CEP112: variants seen among roughly 807,000 people sequenced by gnomAD.
The protein encoded by CEP112 is centrosomal protein of 112 kDa.
CEP112 carries 127 observed loss-of-function variants against 153.0 expected under a neutral mutation model. The ratio of observed to expected loss-of-function variants is 0.83; its 90% CI spans 0.72 to 0.96. The LOEUF is 0.96. CEP112 is among the 40% of genes least tolerant of loss of function. CEP112 has a pLI of 0.00. For missense variants in CEP112, 1,089 were observed against 1,101.2 expected (o/e 0.99, Z 0.16); for synonymous variants, 358 against 374.4 (o/e 0.96, Z 0.51).
intron 6 of CEP112, among the ~76,000 whole-genome samples, chr17:66,101,644 G>C (rs1158447230): frequency 6.6e-6 from 1 of 151,630 alleles, no homozygotes; most frequent in Non-Finnish European, 1.5e-5. Context: ...AAAAAAAACT[G>C]GTTTCTTTAA....
intron 17 of CEP112, among the ~76,000 whole-genome samples, chr17:65,996,413 C>T (rs991943944): frequency 2.6e-5 from 4 of 151,828 alleles, no homozygotes; most frequent in African/African-American, 9.7e-5. Flanking sequence ...CTATATGAAA[C>T]AAAAATATAA....
chr17:65,911,085 A>G (rs763597490), intron 19 of CEP112, among the ~76,000 whole-genome samples: 34 of 152,222 alleles, frequency 2.2e-4, no homozygotes, highest in Non-Finnish European at 4.7e-4. Context: ...AAGAGAACAC[A>G]TAGTGATGCT....
At chr17:65,755,019 C>T (rs1430517749) in intron 21 of CEP112, among the ~76,000 whole-genome samples, 1 of 151,912 alleles carries the variant, frequency 6.6e-6, no homozygotes, top group East Asian at 1.9e-4. Flanking sequence ...CAGCAAACCA[C>T]CATGGCACAC....
rs1439265672 is a variant in CEP112 at position 66,176,920 on chromosome 17, C to T, written c.207G>A (p.Leu69=). The change falls in exon 3 of 27, where the codon TTG becomes TTA. Residue 69 remains leucine (L), a synonymous_variant. Transcript: ENST00000535342. The part of the protein sequence containing the change: ...GRKNRNLYAK[L]LLHMLKRGAL... ...CACCTCGTTTAAGCATATGCAATAA[C>T]AATTTTGCATACAGGTTCCGATTCT... 1.2e-6 allele frequency: 2 copies of T among 1,613,590 alleles called. No homozygotes were observed. Among genetic ancestry groups the T allele is most frequent in the Admixed American group, 1.7e-5 (1 of 59,978 alleles).
intron 21 of CEP112, among the ~76,000 whole-genome samples, chr17:65,847,695 G>T (rs997673527): frequency 7.9e-5 from 12 of 152,290 alleles, no homozygotes; most frequent in Admixed American, 7.8e-4. Context: ...TGTTCTAGTG[G>T]GTGGGAGGAA....
chr17:65,815,844 G>T (rs1263825511), intron 21 of CEP112, among the ~76,000 whole-genome samples: 4 of 152,074 alleles, frequency 2.6e-5, no homozygotes, highest in African/African-American at 9.7e-5. Flanking sequence ...GGTACACCAT[G>T]ACCTTGCTAA....
At chr17:66,183,592 C>T (rs1174147412) in intron 1 of CEP112, among the ~76,000 whole-genome samples, 2 of 152,036 alleles carry the variant, frequency 1.3e-5, no homozygotes, top group African/African-American at 4.8e-5. Context: ...TACTCCAAAG[C>T]CACAGTAGTC....
chr17:66,047,107 C>A (rs1358038225), intron 12 of CEP112, among the ~76,000 whole-genome samples: 1 of 151,792 alleles, frequency 6.6e-6, no homozygotes, highest in Non-Finnish European at 1.5e-5. Flanking sequence ...TTTTTATTTT[C>A]ATTTTTATTT....
intron 11 of CEP112, among the ~76,000 whole-genome samples, chr17:66,058,527 A>G (rs922159183): frequency 1.3e-5 from 2 of 152,116 alleles, no homozygotes; most frequent in African/African-American, 4.8e-5. Flanking sequence ...GAACCAAAAA[A>G]GAGCCTGAAT....
chr17:66,104,707 G>A (rs2068709417), intron 6 of CEP112, among the ~76,000 whole-genome samples: 1 of 152,106 alleles, frequency 6.6e-6, no homozygotes, highest in South Asian at 2.1e-4. Context: ...CTTGGGTCCT[G>A]GTAGGCATTT....
intron 17 of CEP112, among the ~76,000 whole-genome samples, chr17:65,971,444 CGCAT>C (rs1008324532): frequency 2.1e-4 from 13 of 63,138 alleles, no homozygotes; most frequent in Middle Eastern, 9.6e-3. Flanking sequence ...ACATGGATGC[CGCAT>C]GCATGCATAT....
intron 21 of CEP112, among the ~76,000 whole-genome samples, chr17:65,847,052 T>C (rs1168307505): frequency 6.6e-6 from 1 of 152,220 alleles, no homozygotes; most frequent in Non-Finnish European, 1.5e-5. Flanking sequence ...GATATCATCA[T>C]ATGGACTCTG....
intron 21 of CEP112, among the ~76,000 whole-genome samples, chr17:65,813,472 A>G (rs1200547404): frequency 6.6e-6 from 1 of 152,238 alleles, no homozygotes; most frequent in Non-Finnish European, 1.5e-5. Flanking sequence ...TCTTTTGCTC[A>G]TAGTGACCTA....
intron 12 of CEP112, among the ~76,000 whole-genome samples, chr17:66,050,131 C>A (rs569757318): frequency 2.6e-5 from 4 of 152,286 alleles, no homozygotes; most frequent in African/African-American, 7.2e-5. Context: ...CATCTCAGAT[C>A]TTCATACTTG....
chr17:66,041,773 C>G (rs889956404), intron 12 of CEP112, among the ~76,000 whole-genome samples: 3 of 152,072 alleles, frequency 2.0e-5, no homozygotes, highest in African/African-American at 7.2e-5. Context: ...GAAAAATATC[C>G]ACATTCTCAT....
chr17:65,878,342 G>T (rs1354942581), intron 20 of CEP112, among the ~76,000 whole-genome samples: 1 of 152,100 alleles, frequency 6.6e-6, no homozygotes, highest in East Asian at 1.9e-4. Flanking sequence ...AAAGCTATTT[G>T]TCAATTATAC....
chr17:66,129,519 T>G (rs2070026991), intron 6 of CEP112, among the ~76,000 whole-genome samples: 1 of 152,188 alleles, frequency 6.6e-6, no homozygotes, highest in African/African-American at 2.4e-5. Flanking sequence ...TATGTGCATA[T>G]CTCTTATTTC....
intron 21 of CEP112, among the ~76,000 whole-genome samples, chr17:65,757,034 C>T (rs1287850753): frequency 6.6e-6 from 1 of 152,092 alleles, no homozygotes; most frequent in East Asian, 1.9e-4. Context: ...GGATAGGTGT[C>T]ATTATAAGAA....
intron 20 of CEP112, among the ~76,000 whole-genome samples, chr17:65,860,016 A>G (rs1002918700): frequency 2.7e-5 from 4 of 147,648 alleles, no homozygotes; most frequent in African/African-American, 7.5e-5. Flanking sequence ...CTCCATCTCA[A>G]AAAAAAAAAA....
Sources: allele counts gnomAD v4.1 joint callset (sites outside exome capture counted in the v4.1 genomes callset), GRCh38; gene constraint gnomAD v4.1.1; transcripts MANE v1.5; gene names NCBI Gene and HGNC (gene_info 2026-07-23, HGNC 2026-07-21).